Variants in DLGAP2 observed in about 807,000 individuals in gnomAD.
The protein encoded by DLGAP2 is DLG associated protein 2.
DLGAP2 carries 26 observed loss-of-function variants against 100.3 expected under a neutral mutation model. That is an observed-to-expected ratio of 0.26 (90% CI 0.19 to 0.36). The LOEUF (loss-of-function observed/expected upper bound fraction) is 0.36, where lower values mean the gene tolerates loss of function less well. Ranked by LOEUF, DLGAP2 falls within the 10% of genes least tolerant of loss-of-function variation. The pLI is 1.00. For missense variants in DLGAP2, 1,858 were observed against 1,453.2 expected (o/e 1.28, Z -4.53); for synonymous variants, 886 against 630.1 (o/e 1.41, Z -6.08).
At chr8:1,556,369 T>C (rs1319545762) in intron 5 of DLGAP2, among the ~76,000 whole-genome samples, 7 of 152,302 alleles carry the variant, frequency 4.6e-5, no homozygotes, top group East Asian at 3.9e-4. Flanking sequence ...GGTCTGCTCC[T>C]GCAGGAGTGC....
intron 6 of DLGAP2, among the ~76,000 whole-genome samples, chr8:1,595,887 T>C (rs905721712): frequency 7.3e-6 from 1 of 136,746 alleles, no homozygotes; most frequent in Non-Finnish European, 1.7e-5. Context: ...TTATTATTAT[T>C]ATACTTTAAG....
intron 2 of DLGAP2, among the ~76,000 whole-genome samples, chr8:974,335 C>T (rs1800108792): frequency 6.6e-6 from 1 of 152,106 alleles, no homozygotes; most frequent in African/African-American, 2.4e-5. Flanking sequence ...CTTTGTAAAC[C>T]ATGCAAGCAG....
chr8:1,179,759 A>C (rs1243971045), intron 2 of DLGAP2, among the ~76,000 whole-genome samples: 2 of 152,230 alleles, frequency 1.3e-5, no homozygotes, highest in African/African-American at 4.8e-5. Context: ...TATAAATGGG[A>C]GTACAAAATT....
At chr8:1,094,671 T>G (rs1421755112) in intron 2 of DLGAP2, among the ~76,000 whole-genome samples, 1 of 152,228 alleles carries the variant, frequency 6.6e-6, no homozygotes, top group African/African-American at 2.4e-5. Context: ...AAATGCCCTC[T>G]GTTTTGTGTC....
intron 3 of DLGAP2, among the ~76,000 whole-genome samples, chr8:1,450,999 C>T (rs191726798): frequency 9.2e-5 from 14 of 152,200 alleles, no homozygotes; most frequent in Non-Finnish European, 1.3e-4. Flanking sequence ...AAGGGAGTCC[C>T]AGGGTCACCG....
intron 3 of DLGAP2, among the ~76,000 whole-genome samples, chr8:1,305,642 C>G (rs188352182): frequency 4.6e-5 from 7 of 152,304 alleles, no homozygotes; most frequent in African/African-American, 1.4e-4. Context: ...ATAAAAATTA[C>G]ACTGAAAACC....
intron 2 of DLGAP2, among the ~76,000 whole-genome samples, chr8:1,090,755 G>A (rs1804154042): frequency 6.6e-6 from 1 of 152,052 alleles, no homozygotes; most frequent in South Asian, 2.1e-4. Context: ...TCCTGCATAG[G>A]TTGTTGTTGT....
At chr8:1,309,889 G>A (rs1276082183) in intron 3 of DLGAP2, among the ~76,000 whole-genome samples, 1 of 152,198 alleles carries the variant, frequency 6.6e-6, no homozygotes, top group African/African-American at 2.4e-5. Context: ...GAGGTCAGGA[G>A]TTCAAGACCA....
chr8:1,375,085 G>C (rs112083749), intron 3 of DLGAP2, among the ~76,000 whole-genome samples: 6 of 149,816 alleles, frequency 4.0e-5, no homozygotes, highest in African/African-American at 1.5e-4. Flanking sequence ...ACCTCTCCAC[G>C]ACCTCAGAAC....
intron 3 of DLGAP2, among the ~76,000 whole-genome samples, chr8:1,466,940 G>C (rs1477133273): frequency 6.6e-6 from 1 of 152,112 alleles, no homozygotes; most frequent in African/African-American, 2.4e-5. Context: ...TTAAAAGAGA[G>C]CTAGTTATAG....
At chr8:764,011 G>C (rs149979321) in intron 1 of DLGAP2, among the ~76,000 whole-genome samples, 224 of 152,338 alleles carry the variant, frequency 1.5e-3, no homozygotes, top group African/African-American at 4.9e-3. Context: ...TCATTTTTAA[G>C]AGTCTAGTTT....
chr8:1,479,162 G>A (rs997259210), intron 3 of DLGAP2, among the ~76,000 whole-genome samples: 27 of 152,224 alleles, frequency 1.8e-4, no homozygotes, highest in African/African-American at 6.3e-4. Context: ...TTTCTTCAGC[G>A]GCCTTGAAAG....
At chr8:1,551,985 C>G (rs1801784073) in intron 5 of DLGAP2, among the ~76,000 whole-genome samples, 1 of 152,184 alleles carries the variant, frequency 6.6e-6, no homozygotes, top group Non-Finnish European at 1.5e-5. Context: ...TCTCTTTCCT[C>G]TCTTCCTCCC....
intron 8 of DLGAP2, among the ~76,000 whole-genome samples, chr8:1,653,445 G>A (rs1340332651): frequency 6.6e-6 from 1 of 152,204 alleles, no homozygotes; most frequent in Non-Finnish European, 1.5e-5. Flanking sequence ...AAGGCTGCCG[G>A]CTTCCTGGCC....
chr8:1,595,669 G>A (rs867377783), intron 6 of DLGAP2, among the ~76,000 whole-genome samples: 14 of 72,692 alleles, frequency 1.9e-4, no homozygotes, highest in Admixed American at 4.7e-4. Context: ...GCGAGACTCC[G>A]TCTCAAAAAA....
chr8:1,195,835 A>G (rs1797738759), intron 2 of DLGAP2, among the ~76,000 whole-genome samples: 1 of 152,202 alleles, frequency 6.6e-6, no homozygotes, highest in Non-Finnish European at 1.5e-5. Context: ...TTGCAGCGGT[A>G]GATACGTTCT....
At chr8:1,517,501 G>A (rs747938075) in intron 4 of DLGAP2, among the ~76,000 whole-genome samples, 80 of 151,908 alleles carry the variant, frequency 5.3e-4, no homozygotes, top group African/African-American at 1.6e-3. Flanking sequence ...TTCCTCCACC[G>A]AGCTGTGCAT....
intron 5 of DLGAP2, among the ~76,000 whole-genome samples, chr8:1,557,478 A>G (rs1802004564): frequency 6.6e-6 from 1 of 152,102 alleles, no homozygotes; most frequent in African/African-American, 2.4e-5. Flanking sequence ...CAGCGGGGAC[A>G]GGTCTCGGCC....
chr8:821,558 A>G (rs1044268664), intron 1 of DLGAP2, among the ~76,000 whole-genome samples: 7 of 152,226 alleles, frequency 4.6e-5, no homozygotes, highest in Non-Finnish European at 7.3e-5. Flanking sequence ...TTTTAAAAAC[A>G]TGCTACACTG....
Sources: allele counts gnomAD v4.1 joint callset (sites outside exome capture counted in the v4.1 genomes callset), GRCh38; gene constraint gnomAD v4.1.1; transcripts MANE v1.5; gene names NCBI Gene and HGNC (gene_info 2026-07-23, HGNC 2026-07-21).